Variants in TP53I3 observed in about 807,000 individuals in gnomAD.
TP53I3 encodes quinone oxidoreductase PIG3.
In TP53I3, 32 loss-of-function variants were observed where a neutral mutation model predicts 27.7. The ratio of observed to expected loss-of-function variants is 1.16; its 90% confidence interval spans 0.87 to 1.55. The LOEUF (loss-of-function observed/expected upper bound fraction) is 1.55, where lower values mean the gene tolerates loss of function less well. Among genes scored for constraint, TP53I3 ranks in the 40% most tolerant of loss-of-function variants. TP53I3 has a pLI of 0.00. For synonymous variants in TP53I3, 138 were observed against 167.8 expected, an observed-to-expected ratio of 0.82 and a Z score of 1.37; for missense variants, 372 against 412.3, an observed-to-expected ratio of 0.90 and a Z score of 0.85.
chr2:24,081,975 G>T (rs183075274), intron 2 of TP53I3, among the ~76,000 whole-genome samples: 1 of 151,802 alleles, frequency 6.6e-6, no homozygotes, highest in Non-Finnish European at 1.5e-5. Flanking sequence ...GATTACAGGC[G>T]TGAGCCACCA....
rs1204419523 is a variant in TP53I3 at position 24,082,932 on chromosome 2, G to A, written c.359C>T (p.Ala120Val). ...GGCGGTGAGCCAGGCCTCTGGGATG[G>A]CTGCAGCCTGGGTCAGGGTCAATCC... ...PEGLTLTQAA[A>V]IPEAWLTAFQ... Residue 120 changes from alanine to valine, a missense_variant, in exon 2 of 5, where the codon GCC (alanine) becomes GTC (valine). Transcript: ENST00000238721. The A allele has an allele frequency of 1.2e-6, 2 of 1,613,292 alleles. No individual in the cohort carries two copies. Among genetic ancestry groups the A allele is most frequent in the Non-Finnish European group, 8.5e-7 (1 of 1,179,824 alleles).
chr2:24,084,203 C>T lies in TP53I3; in HGVS notation c.124G>A (p.Ala42Thr). The T allele has an allele frequency of 1.2e-6, 2 of 1,613,106 alleles. No individual in the cohort carries two copies. Among genetic ancestry groups the T allele is most frequent in the South Asian group, 1.1e-5 (1 of 91,012 alleles). ...GCCCTGGGTACCTGCATTAAGTCCG[C>T]CCGGTTCAGGGCGCTGGCCGCCACC... ...LKVAASALNR[A>T]DLMQRQGQYD... Residue 42 changes from alanine (A) to threonine (T), a missense_variant, in exon 1 of 5, where the codon GCG becomes ACG. Physicochemically the swap from Ala to Thr is moderately conservative, Grantham distance 58 (BLOSUM62 0). Coordinates refer to ENST00000238721, the MANE Select transcript of TP53I3 (RefSeq NM_004881.5). This position sits in a 1 kb window ranked among gnomAD's most constrained non-coding sequence, Gnocchi z 8.4.
chr2:24,080,625 G>A lies in TP53I3; in HGVS notation c.619+194C>T. ...CTTATCTCTTGCAAGAATGCACATG[G>A]AAACCATCTTAGATTTAAATATGAC... On this transcript the variant is annotated intron_variant, in intron 3 of 4. Transcript: ENST00000238721. The surrounding 1 kb of genome is among the most constrained non-coding windows in gnomAD (Gnocchi z 4.7). The A allele has an allele frequency of 1.5e-6, 1 of 666,204 alleles. No homozygotes were observed. The allele number at this position is 666,204 out of a possible 1,614,324, so 41.3% of individuals were successfully genotyped here.
intron 4 of TP53I3, among the ~76,000 whole-genome samples, chr2:24,078,578 C>CA: frequency 6.6e-6 from 1 of 151,886 alleles, no homozygotes; most frequent in East Asian, 1.9e-4. Flanking sequence ...CACATAGGAG[C>CA]TAAAGGGGGG....
At chr2:24,081,790 C>A (rs1665015592) in intron 2 of TP53I3, among the ~76,000 whole-genome samples, 1 of 149,614 alleles carries the variant, frequency 6.7e-6, no homozygotes, top group African/African-American at 2.5e-5. Flanking sequence ...ACCCCCCCTG[C>A]GTTCATGCCA....
rs778102649 is a variant in TP53I3 at position 24,080,826 on chromosome 2, G to T, written c.612C>A (p.Phe204Leu). 50 of 1,614,064 alleles carry T rather than the reference G, an allele frequency of 3.1e-5. No individual in the cohort carries two copies. Among genetic ancestry groups the T allele is most frequent in the Admixed American group, 2.3e-4 (14 of 60,006 alleles). The change falls in exon 3 of 5, where the codon TTC becomes TTA. Residue 204 changes from phenylalanine (F) to leucine (L), a missense_variant. Physicochemically the swap from Phe to Leu is conservative, Grantham distance 22 (BLOSUM62 0). Coordinates refer to ENST00000238721, the MANE Select transcript of TP53I3 (RefSeq NM_004881.5). The surrounding 1 kb of genome is among the most constrained non-coding windows in gnomAD (Gnocchi z 4.7). ...GTAGAAGCAGTTGTTTACCTTTGGTGAATTTCAGCGTTGCTTCAGAGAAAT... is the reference window on the plus strand; with the variant it reads ...GTAGAAGCAGTTGTTTACCTTTGGTTAATTTCAGCGTTGCTTCAGAGAAAT... ...KEDFSEATLK[F>L]TKGAGVNLIL...
chr2:24,084,108 G>A lies in TP53I3; in HGVS notation c.138+81C>T, dbSNP rs1665140834. On this transcript the variant is annotated intron_variant, in intron 1 of 4. Transcript: ENST00000238721. The surrounding 1 kb of genome is among the most constrained non-coding windows in gnomAD (Gnocchi z 8.4). ...GGTGTGGAGCGGTGCACGCCTTCAC[G>A]TCTGGTCAATGTCCACTGAGTGCTG... 6.6e-7 allele frequency: 1 copy of A among 1,515,718 alleles called. No individual in the cohort carries two copies. The highest frequency in any genetic ancestry group is 2.1e-5 in the Admixed American group (1 of 48,694). 93.9% of individuals were successfully genotyped at this position (1,515,718 alleles called of 1,614,324 possible).
chr2:24,078,047 A>G (rs1664835576), intron 4 of TP53I3, among the ~76,000 whole-genome samples: 1 of 152,228 alleles, frequency 6.6e-6, no homozygotes, highest in South Asian at 2.1e-4. Flanking sequence ...GTAGCAAGTC[A>G]TAAAGATTCC....
In TP53I3 at chr2:24,077,739, G is replaced by A. The variant is rs1205590076; in HGVS notation, c.839C>T (p.Ala280Val). Residue 280 changes from alanine (A) to valine (V), a missense_variant, in exon 5 of 5, where the codon GCT (alanine) becomes GTT (valine). Physicochemically the swap from Ala to Val is moderately conservative, Grantham distance 64. Transcript: ENST00000238721. This position sits in a 1 kb window ranked among gnomAD's most constrained non-coding sequence, Gnocchi z 5.5. ...DNKYKQMLVNAFTEQILPHFS... is the reference protein window; with the variant it reads ...DNKYKQMLVNVFTEQILPHFS... ...GTGAGGCAGAATTTGCTCCGTGAAAGCATTCACCAGCATTTGCTTGTACTA... is the reference window on the plus strand; with the variant it reads ...GTGAGGCAGAATTTGCTCCGTGAAAACATTCACCAGCATTTGCTTGTACTA... The A allele has an allele frequency of 6.2e-6, 10 of 1,613,768 alleles. No individual in the cohort carries two copies. The highest frequency in any genetic ancestry group is 1.3e-5 in the African/African-American group (1 of 74,920).
Position 24,077,554 on chromosome 2 carries a change from G to A in TP53I3, c.*25C>T, listed in dbSNP as rs149890387. 2.0e-4 allele frequency: 323 copies of A among 1,594,944 alleles called. No individual in the cohort carries two copies. The African/African-American group carries it at 3.4e-3, about 17-fold the overall frequency. The stretch of plus-strand genomic sequence containing the variant: ...TGCTCTGGAAAGGCCTGGGGTGGCC[G>A]CGTCCTGTCCTGCCCCATCCTCCTT... On this transcript the variant is annotated 3_prime_UTR_variant, in exon 5 of 5. Transcript: ENST00000238721. This position sits in a 1 kb window ranked among gnomAD's most constrained non-coding sequence, Gnocchi z 5.5.
chr2:24,084,096 G>T lies in TP53I3; in HGVS notation c.138+93C>A. ...AGCTGCCTGCTGGGTGTGGAGCGGT[G>T]CACGCCTTCACGTCTGGTCAATGTC... On this transcript the variant is annotated intron_variant, in intron 1 of 4. Transcript: ENST00000238721. This position sits in a 1 kb window ranked among gnomAD's most constrained non-coding sequence, Gnocchi z 8.4. The T allele has an allele frequency of 2.0e-6, 3 of 1,488,022 alleles. No individual in the cohort carries two copies. In the East Asian group the frequency reaches 7.1e-5, roughly 35 times the overall value. 92.2% of individuals were successfully genotyped at this position (1,488,022 alleles called of 1,614,324 possible). A position where few individuals can be genotyped will look rare whatever the true frequency, so the allele number is the denominator to read the frequency against.
rs774123801 is a variant in TP53I3, at chr2:24,079,547, T to C, written c.713A>G (p.Tyr238Cys). The C allele has an allele frequency of 3.1e-6, 5 of 1,614,136 alleles. No homozygotes were observed. The highest frequency in any genetic ancestry group is 4.2e-6 in the Non-Finnish European group (5 of 1,180,018). The change falls in exon 4 of 5, where the codon TAT (tyrosine) becomes TGT (cysteine). Residue 238 changes from tyrosine (Y) to cysteine (C), a missense_variant. Coordinates refer to ENST00000238721, the MANE Select transcript of TP53I3 (RefSeq NM_004881.5). ...CLALDGRWVL[Y>C]GLMGGGDING... is the part of the protein sequence containing the mutation. ...GATGTCACCTCCTCCCATCAGACCA[T>C]AGAGAACCCATCGACCATCAAGAGC...
rs1664894452 is a variant in TP53I3, at chr2:24,079,334, A to G, written c.816+110T>C. The G allele has an allele frequency of 1.1e-5, 14 of 1,221,876 alleles. 1 individual carries two copies. In the South Asian group the frequency reaches 1.7e-4, roughly 15 times the overall value. The allele number at this position is 1,221,876 out of a possible 1,614,324, so 75.7% of individuals were successfully genotyped here. A position where few individuals can be genotyped will look rare whatever the true frequency, so the allele number is the denominator to read the frequency against. On this transcript the variant is annotated intron_variant, in intron 4 of 4. Coordinates refer to ENST00000238721, the MANE Select transcript of TP53I3 (RefSeq NM_004881.5). Reference sequence around the variant, plus strand: ...TATCTTCAGAGGGGGAGGTTTCTTCATAGAAACTAACCTCCGTAATCTAAG... The same window carrying G: ...TATCTTCAGAGGGGGAGGTTTCTTCGTAGAAACTAACCTCCGTAATCTAAG...
chr2:24,083,226 C>T, intron 1 of TP53I3, 74 bp from the exon 2 acceptor site: 1 of 1,465,292 alleles, frequency 6.8e-7, no homozygotes, highest in Non-Finnish European at 9.1e-7. Flanking sequence ...GCCCCCCTTC[C>T]AAGATCCCCT....
Position 24,077,880 on chromosome 2 carries a change from C to T in TP53I3, c.817-119G>A. On this transcript the variant is annotated intron_variant, in intron 4 of 4. Coordinates refer to ENST00000238721, the MANE Select transcript of TP53I3 (RefSeq NM_004881.5). The surrounding 1 kb of genome is among the most constrained non-coding windows in gnomAD (Gnocchi z 5.5). ...GTATCTGAAAAAGCACACAGGGACA[C>T]TTAACCCCTCACTTCCTAGCATGTG... 9.4e-7 allele frequency: 1 copy of T among 1,058,468 alleles called. No homozygotes were observed. The highest frequency in any genetic ancestry group is 1.4e-6 in the Non-Finnish European group (1 of 730,588). The allele number at this position is 1,058,468 out of a possible 1,614,324, so 65.6% of individuals were successfully genotyped here. A position where few individuals can be genotyped will look rare whatever the true frequency, so the allele number is the denominator to read the frequency against.
intron 2 of TP53I3, among the ~76,000 whole-genome samples, chr2:24,081,298 T>A (rs1664991497): frequency 2.0e-5 from 3 of 152,166 alleles, no homozygotes; most frequent in Admixed American, 6.5e-5. Context: ...GAAAACAGCC[T>A]TTTGAAACAG....
At chr2:24,083,990 G>C (rs1028678094) in intron 1 of TP53I3, among the ~76,000 whole-genome samples, 199 bp downstream of exon 1, 3 of 152,204 alleles carry the variant, frequency 2.0e-5, no homozygotes, top group African/African-American at 7.2e-5. Context: ...GCTCGGGGTG[G>C]ATTCTGCTTT....
At position 24,080,707 on chromosome 2, in the gene TP53I3, G is replaced by T; in HGVS notation, c.619+112C>A. 1 of 1,308,216 alleles carries T rather than the reference G, an allele frequency of 7.6e-7. No homozygotes were observed. The highest frequency in any genetic ancestry group is 1.1e-6 in the Non-Finnish European group (1 of 921,854). 81.0% of individuals were successfully genotyped at this position (1,308,216 alleles called of 1,614,324 possible). On this transcript the variant is annotated intron_variant, in intron 3 of 4. Coordinates refer to ENST00000238721, the MANE Select transcript of TP53I3 (RefSeq NM_004881.5). The surrounding 1 kb of genome is among the most constrained non-coding windows in gnomAD (Gnocchi z 4.7). ...CTAGAATTTGGCCAGGGCAGCTGTT[G>T]TGCACTTAGCAGAGGTAAGACTGAT...
Position 24,083,610 on chromosome 2 carries a change from G to C in TP53I3, c.139-458C>G, listed in dbSNP as rs552309888. Among the ~76,000 whole-genome samples, 4 of 152,288 alleles carry C rather than the reference G, an allele frequency of 2.6e-5. No homozygotes were observed. The South Asian group carries it at 8.3e-4, about 32-fold the overall frequency. On this transcript the variant is annotated intron_variant, in intron 1 of 4. Transcript: ENST00000238721. ...GTACACGTGCCTGGGCCCCCATCAC[G>C]TTTCTTTTGTGCCCCGGGGGATTCT...
Sources: gnomAD v4.1 joint callset for allele counts (sites outside exome capture counted in the v4.1 genomes callset) on GRCh38, gnomAD v4.1.1 for gene constraint, Gnocchi (gnomAD v3.1) non-coding constraint, MANE v1.5 for transcripts, NCBI Gene and HGNC (gene_info 2026-07-23, HGNC 2026-07-21) for gene names.